MGAT4A: variants seen among roughly 807,000 people sequenced by gnomAD.
The protein encoded by MGAT4A is N-acetylglucosaminyltransferase IVa.
In MGAT4A, 33 loss-of-function variants were observed where a neutral mutation model predicts 74.1. The observed-to-expected ratio is 0.45, with a 90% CI of 0.34 to 0.60. The LOEUF is 0.60. Among genes scored for constraint, MGAT4A ranks in the 20% least tolerant of loss-of-function variants. MGAT4A has a pLI of 0.02. For missense variants in MGAT4A, 479 were observed against 628.3 expected, an observed-to-expected ratio of 0.76 and a Z score of 2.54; for synonymous variants, 198 against 210.4, an observed-to-expected ratio of 0.94 and a Z score of 0.51.
intron 2 of MGAT4A, among the ~76,000 whole-genome samples, chr2:98,711,995 C>T (rs754537914): frequency 6.6e-6 from 1 of 152,222 alleles, no homozygotes; most frequent in African/African-American, 2.4e-5. Flanking sequence ...AAATTCCTGC[C>T]GAGCCCTTCA....
intron 2 of MGAT4A, among the ~76,000 whole-genome samples, chr2:98,709,201 C>T (rs1702480916): frequency 1.3e-5 from 2 of 152,094 alleles, no homozygotes; most frequent in Non-Finnish European, 2.9e-5. Flanking sequence ...GAGAAAAAGG[C>T]GGTCTACAAA....
intron 8 of MGAT4A, among the ~76,000 whole-genome samples, chr2:98,650,166 G>C (rs769095286): frequency 3.3e-5 from 5 of 152,144 alleles, no homozygotes; most frequent in Non-Finnish European, 7.4e-5. Flanking sequence ...CTAAACAGCA[G>C]ACCTGAGCAG....
At chr2:98,697,965 C>T (rs1281377715) in intron 2 of MGAT4A, among the ~76,000 whole-genome samples, 1 of 152,228 alleles carries the variant, frequency 6.6e-6, no homozygotes, top group East Asian at 1.9e-4. Flanking sequence ...AAAAATTTTT[C>T]ATTGACTTGA....
Position 98,645,356 on chromosome 2 carries a change from T to C in MGAT4A, c.889+72A>G, listed in dbSNP as rs1334188120. Reference sequence around the variant, plus strand: ...GAAAAAAAGACATCTTTAGGACAAGTAGCTACTTGGTTTTAGATTCTGAGA... The same window carrying C: ...GAAAAAAAGACATCTTTAGGACAAGCAGCTACTTGGTTTTAGATTCTGAGA... On this transcript the variant is annotated intron_variant, in intron 9 of 15. Coordinates refer to ENST00000393487, the MANE Select transcript of MGAT4A (RefSeq NM_012214.3). 1.3e-5 allele frequency: 15 copies of C among 1,140,220 alleles called. No homozygotes were observed. The Admixed American group carries it at 3.0e-4, about 23-fold the overall frequency. 70.6% of individuals were successfully genotyped at this position (1,140,220 alleles called of 1,614,324 possible). A position where few individuals can be genotyped will look rare whatever the true frequency, so the allele number is the denominator to read the frequency against.
chr2:98,625,347 T>C lies in MGAT4A; in HGVS notation c.*219A>G. ...AAGTCATATTAACAGGCTGTCATAA[T>C]TGAAAAATGTTTGAGTCAAGTTAAA... is the stretch of plus-strand genomic sequence containing the variant. On this transcript the variant is annotated 3_prime_UTR_variant, in exon 16 of 16. Coordinates refer to ENST00000393487, the MANE Select transcript of MGAT4A (RefSeq NM_012214.3). The C allele has an allele frequency of 7.5e-7, 1 of 1,336,744 alleles. No homozygotes were observed. Among genetic ancestry groups the C allele is most frequent in the Non-Finnish European group, 9.7e-7 (1 of 1,035,636 alleles). 82.8% of individuals were successfully genotyped at this position (1,336,744 alleles called of 1,614,324 possible).
At chr2:98,640,266 A>T (rs756698901) in intron 10 of MGAT4A, 38 bp from the exon 11 acceptor site, 5 of 1,522,270 alleles carry the variant, frequency 3.3e-6, no homozygotes, top group Non-Finnish European at 4.5e-6. Context: ...GTTGCATCAT[A>T]AAGTGAAATC....
chr2:98,693,886 A>G (rs144614491), intron 2 of MGAT4A, among the ~76,000 whole-genome samples: 32 of 152,382 alleles, frequency 2.1e-4, no homozygotes, highest in African/African-American at 7.2e-4. Flanking sequence ...GGAATTTTGA[A>G]AACTGTTTCA....
chr2:98,625,454 T>C lies in MGAT4A; in HGVS notation c.*112A>G. 1 of 1,529,406 alleles carries C rather than the reference T, an allele frequency of 6.5e-7. No homozygotes were observed. The highest frequency in any genetic ancestry group is 1.3e-5 in the South Asian group (1 of 77,368). 94.7% of individuals were successfully genotyped at this position (1,529,406 alleles called of 1,614,324 possible). On this transcript the variant is annotated 3_prime_UTR_variant, in exon 16 of 16. Transcript: ENST00000393487. Reference sequence around the variant, plus strand: ...AAGTGGAAATGACAATCGTCTTATCTACAGTAGACTTCACAAGAGGTAGTG... The same window carrying C: ...AAGTGGAAATGACAATCGTCTTATCCACAGTAGACTTCACAAGAGGTAGTG...
chr2:98,670,294 G>A (rs1362387428), intron 4 of MGAT4A, among the ~76,000 whole-genome samples: 2 of 152,158 alleles, frequency 1.3e-5, no homozygotes, highest in Non-Finnish European at 2.9e-5. Context: ...GAGTTCCACT[G>A]ATTAGCCACC....
At chr2:98,710,290 A>T (rs551579379) in intron 2 of MGAT4A, among the ~76,000 whole-genome samples, 1 of 152,230 alleles carries the variant, frequency 6.6e-6, no homozygotes, top group Non-Finnish European at 1.5e-5. Context: ...AGAGGCAAAG[A>T]AAACAGCCTA....
Position 98,624,234 on chromosome 2 carries a change from G to T in MGAT4A, c.*1332C>A. The T allele has an allele frequency of 1.7e-6, 1 of 591,688 alleles. No individual in the cohort carries two copies. The highest frequency in any genetic ancestry group is 2.1e-6 in the Non-Finnish European group (1 of 470,590). The allele number at this position is 591,688 out of a possible 1,614,324, so 36.7% of individuals were successfully genotyped here. A position where few individuals can be genotyped will look rare whatever the true frequency, so the allele number is the denominator to read the frequency against. Reference sequence around the variant, plus strand: ...TCACCGTGTTAGCCAGGATGGTCTTGATCTCCTGACCTCGTGATCCGCCCG... The same window carrying T: ...TCACCGTGTTAGCCAGGATGGTCTTTATCTCCTGACCTCGTGATCCGCCCG... On this transcript the variant is annotated 3_prime_UTR_variant, in exon 16 of 16. Coordinates refer to ENST00000393487, the MANE Select transcript of MGAT4A (RefSeq NM_012214.3).
intron 4 of MGAT4A, 99 bp downstream of exon 4, chr2:98,674,936 T>C: frequency 1.6e-6 from 2 of 1,259,462 alleles, no homozygotes; most frequent in Non-Finnish European, 1.1e-6. Context: ...GAAAGAACTT[T>C]CATTTTTTGA....
chr2:98,697,837 CA>C (rs918824567), intron 2 of MGAT4A, among the ~76,000 whole-genome samples: 19 of 152,278 alleles, frequency 1.2e-4, no homozygotes, highest in African/African-American at 4.3e-4. Flanking sequence ...GGATGTGTAA[CA>C]GTACTCTTTT....
At chr2:98,722,524 T>C (rs1297972095) in intron 2 of MGAT4A, among the ~76,000 whole-genome samples, 1 of 152,002 alleles carries the variant, frequency 6.6e-6, no homozygotes, top group Non-Finnish European at 1.5e-5. Flanking sequence ...GCCTAACCCC[T>C]AGGAGGGGAG....
At chr2:98,730,065 C>A (rs1416292892) in intron 1 of MGAT4A, 1 of 152,224 alleles carries the variant, frequency 6.6e-6, no homozygotes, top group Non-Finnish European at 1.5e-5. Flanking sequence ...ACATAAACCA[C>A]AAAACGCATA....
chr2:98,696,560 C>A lies in MGAT4A; in HGVS notation c.95-18089G>T, dbSNP rs559429226. Among the ~76,000 whole-genome samples the A allele has an allele frequency of 1.3e-4, 20 of 152,316 alleles. No homozygotes were observed. The South Asian group carries it at 3.7e-3, about 28-fold the overall frequency. ...AAGCATTGCTTTTGGCAAATTAAAG[C>A]GCATGTCATCTCTTAATACACTAGA... On this transcript the variant is annotated intron_variant, in intron 2 of 15. Coordinates refer to ENST00000393487, the MANE Select transcript of MGAT4A (RefSeq NM_012214.3).
chr2:98,679,625 T>C (rs1702028689), intron 2 of MGAT4A, among the ~76,000 whole-genome samples: 1 of 152,020 alleles, frequency 6.6e-6, no homozygotes, highest in Non-Finnish European at 1.5e-5. Context: ...GAGTGAAACC[T>C]TGTCTCAAAA....
intron 2 of MGAT4A, among the ~76,000 whole-genome samples, chr2:98,720,372 T>C (rs184752418): frequency 6.6e-6 from 1 of 152,308 alleles, no homozygotes; most frequent in East Asian, 1.9e-4. Context: ...GAAGGGCAAC[T>C]TTGTTTCTGG....
At chr2:98,726,020 C>T (rs1702757468) in intron 2 of MGAT4A, 1 of 479,222 alleles carries the variant, frequency 2.1e-6, no homozygotes, top group Non-Finnish European at 3.7e-6. Flanking sequence ...TCTCCAAGTA[C>T]AATTATAAGA....
Sources: gnomAD v4.1 joint callset for allele counts (sites outside exome capture counted in the v4.1 genomes callset) on GRCh38, gnomAD v4.1.1 for gene constraint, MANE v1.5 for transcripts, NCBI Gene and HGNC (gene_info 2026-07-23, HGNC 2026-07-21) for gene names.